The following RASSF2 variants were observed in gnomAD, a reference collection of about 807,000 sequenced individuals.
The protein encoded by RASSF2 is Ras association domain family member 2.
Under a neutral mutation model 46.3 loss-of-function variants are expected in RASSF2, and 34 were observed. That is an observed-to-expected ratio of 0.73 (90% CI 0.56 to 0.98). The LOEUF (loss-of-function observed/expected upper bound fraction) is 0.98. Ranked by LOEUF, RASSF2 falls within the 50% of genes least tolerant of loss-of-function variation. RASSF2 has a pLI of 0.00. For missense variants in RASSF2, 364 were observed against 431.2 expected, an observed-to-expected ratio of 0.84 and a Z score of 1.38; for synonymous variants, 158 against 162.5, an observed-to-expected ratio of 0.97 and a Z score of 0.21.
chr20:4,800,437 CCAA>C (rs1926764652), intron 3 of RASSF2, among the ~76,000 whole-genome samples: 1 of 152,152 alleles, frequency 6.6e-6, no homozygotes, highest in African/African-American at 2.4e-5. Flanking sequence ...GCCAGGAAGT[CCAA>C]CGTCAGGGTA....
intron 1 of RASSF2, among the ~76,000 whole-genome samples, chr20:4,823,286 TGCCCCGC>T (rs1218811763): frequency 1.3e-5 from 2 of 151,722 alleles, no homozygotes. Flanking sequence ...TCGCTCCCAG[TGCCCCGC>T]GCCCCGCGCC....
intron 2 of RASSF2, among the ~76,000 whole-genome samples, chr20:4,819,112 G>A (rs763530610): frequency 3.6e-4 from 54 of 152,052 alleles, no homozygotes; most frequent in Non-Finnish European, 6.3e-4. Context: ...ACAGGCGCCC[G>A]CCACCATGCC....
Position 4,795,627 on chromosome 20 carries a change from G to A in RASSF2, c.287+188C>T, listed in dbSNP as rs993103181. The A allele has an allele frequency of 2.9e-5, 17 of 590,676 alleles. No individual in the cohort carries two copies. Among genetic ancestry groups the A allele is most frequent in the Middle Eastern group, 5.0e-4 (1 of 2,006 alleles). The allele number at this position is 590,676 out of a possible 1,614,324, so 36.6% of individuals were successfully genotyped here. A position where few individuals can be genotyped will look rare whatever the true frequency, so the allele number is the denominator to read the frequency against. On this transcript the variant is annotated intron_variant, in intron 5 of 11. Transcript: ENST00000379400. The surrounding 1 kb of genome is among the most constrained non-coding windows in gnomAD (Gnocchi z 4.0). The stretch of plus-strand genomic sequence containing the variant: ...CATCAGTGATTGCAGTGACAGGAAG[G>A]GGGCTCAATCACAACCACATCTGCT...
intron 2 of RASSF2, among the ~76,000 whole-genome samples, chr20:4,801,580 G>T (rs1390669692): frequency 6.6e-6 from 1 of 151,960 alleles, no homozygotes; most frequent in African/African-American, 2.4e-5. Context: ...AAAAACACAG[G>T]TAACAAAACT....
At chr20:4,786,095 A>G in intron 11 of RASSF2, 136 bp downstream of exon 11, 2 of 718,322 alleles carry the variant, frequency 2.8e-6, no homozygotes, top group Non-Finnish European at 4.8e-6. Context: ...CAGGTTTGTC[A>G]ATGGGCAGCC....
At chr20:4,785,525 G>A (rs1925249596) in intron 11 of RASSF2, among the ~76,000 whole-genome samples, 1 of 152,154 alleles carries the variant, frequency 6.6e-6, no homozygotes. Flanking sequence ...ACTAAACATA[G>A]CAAAGAAATC....
chr20:4,790,363 C>A lies in RASSF2; in HGVS notation c.537+88G>T. The stretch of plus-strand genomic sequence containing the variant: ...GCAAACACTTGGCTTCCCAGGCATC[C>A]ACACCACCCACCATATGGCTGTAGC... On this transcript the variant is annotated intron_variant, in intron 7 of 11. Coordinates refer to ENST00000379400, the MANE Select transcript of RASSF2 (RefSeq NM_014737.3). This position sits in a 1 kb window ranked among gnomAD's most constrained non-coding sequence, Gnocchi z 4.3. 7.5e-7 allele frequency: 1 copy of A among 1,328,612 alleles called. No homozygotes were observed. Among genetic ancestry groups the A allele is most frequent in the East Asian group, 2.8e-5 (1 of 35,338 alleles). The allele number at this position is 1,328,612 out of a possible 1,614,324, so 82.3% of individuals were successfully genotyped here. A position where few individuals can be genotyped will look rare whatever the true frequency, so the allele number is the denominator to read the frequency against.
intron 4 of RASSF2, among the ~76,000 whole-genome samples, chr20:4,797,614 G>A (rs1375450658): frequency 6.6e-6 from 1 of 152,118 alleles, no homozygotes; most frequent in African/African-American, 2.4e-5. Flanking sequence ...GCTTTGCCCA[G>A]GTCACTGCAG....
At chr20:4,787,330 A>G (rs2422985) in intron 10 of RASSF2, among the ~76,000 whole-genome samples, 43,456 of 152,130 alleles carry the variant, frequency 0.29, 6,583 homozygotes, top group African/African-American at 0.37. Context: ...TACTGCCCCA[A>G]AAGCCTGGGC....
intron 9 of RASSF2, 96 bp from the exon 10 acceptor site, chr20:4,787,850 C>T: frequency 6.9e-7 from 1 of 1,454,124 alleles, no homozygotes; most frequent in Non-Finnish European, 9.5e-7. Context: ...GGAGATGCCG[C>T]CATATACGTC....
chr20:4,801,932 G>T (rs1299264012), intron 2 of RASSF2, among the ~76,000 whole-genome samples: 1 of 152,000 alleles, frequency 6.6e-6, no homozygotes, highest in African/African-American at 2.4e-5. Context: ...TAGAGGAAGG[G>T]TTTCACCATG....
At chr20:4,811,816 T>C (rs1438839544) in intron 2 of RASSF2, among the ~76,000 whole-genome samples, 1 of 152,066 alleles carries the variant, frequency 6.6e-6, no homozygotes, top group Non-Finnish European at 1.5e-5. Flanking sequence ...TAGCTTCCTC[T>C]TTTGGGGCCT....
intron 9 of RASSF2, 34 bp from the exon 10 acceptor site, chr20:4,787,788 A>G: frequency 6.2e-7 from 1 of 1,613,162 alleles, no homozygotes; most frequent in Non-Finnish European, 8.5e-7. Flanking sequence ...CAGCCCTGAG[A>G]GGCCTTTCTC....
intron 3 of RASSF2, among the ~76,000 whole-genome samples, chr20:4,800,432 G>C (rs565699388): frequency 6.6e-6 from 1 of 152,282 alleles, no homozygotes; most frequent in African/African-American, 2.4e-5. Context: ...TGGTGGCCAG[G>C]AAGTCCAACG....
Position 4,792,636 on chromosome 20 carries a change from G to A in RASSF2, c.288-9C>T. ...GGGGCTTCAGAGTGGTTCTGGGAGT[G>A]GAGAAGACAAAGGGGAGGGGGGAGA... On this transcript the variant is annotated splice_polypyrimidine_tract_variant and intron_variant, in intron 5 of 11. Transcript: ENST00000379400. The A allele has an allele frequency of 3.7e-6, 6 of 1,613,624 alleles. No individual in the cohort carries two copies. The highest frequency in any genetic ancestry group is 1.7e-5 in the Admixed American group (1 of 59,946).
intron 8 of RASSF2, among the ~76,000 whole-genome samples, chr20:4,788,473 G>A (rs1423173177): frequency 1.3e-5 from 2 of 152,194 alleles, no homozygotes; most frequent in Non-Finnish European, 2.9e-5. Context: ...ACTTAACCAC[G>A]AGGATGCATT....
At chr20:4,813,664 G>T (rs1020791336) in intron 2 of RASSF2, among the ~76,000 whole-genome samples, 1 of 152,246 alleles carries the variant, frequency 6.6e-6, no homozygotes, top group African/African-American at 2.4e-5. Context: ...GAGAGGCAGG[G>T]CGCTGGAGCG....
At position 4,822,309 on chromosome 20, in the gene RASSF2, A is replaced by G. The variant is rs1928746357; in HGVS notation, c.-33+20T>C. 6.6e-6 allele frequency: 1 copy of G among 152,246 alleles called. No homozygotes were observed. The highest frequency in any genetic ancestry group is 2.4e-5 in the African/African-American group (1 of 41,460). 9.4% of individuals were successfully genotyped at this position (152,246 alleles called of 1,614,324 possible). A position where few individuals can be genotyped will look rare whatever the true frequency, so the allele number is the denominator to read the frequency against. Reference sequence around the variant, plus strand: ...AGCTGATTGGTTCATACATTCATTCATCATTTACAAGGTACTTACTATATC... The same window carrying G: ...AGCTGATTGGTTCATACATTCATTCGTCATTTACAAGGTACTTACTATATC... On this transcript the variant is annotated intron_variant, in intron 2 of 11. Transcript: ENST00000379400.
At chr20:4,819,616 C>T (rs1174285311) in intron 2 of RASSF2, among the ~76,000 whole-genome samples, 1 of 152,128 alleles carries the variant, frequency 6.6e-6, no homozygotes, top group Non-Finnish European at 1.5e-5. Context: ...GCATCTATTA[C>T]ATTATTCAGT....
Sources: gnomAD v4.1 joint callset for allele counts (sites outside exome capture counted in the v4.1 genomes callset) on GRCh38, gnomAD v4.1.1 for gene constraint, Gnocchi (gnomAD v3.1) non-coding constraint, MANE v1.5 for transcripts, NCBI Gene and HGNC (gene_info 2026-07-23, HGNC 2026-07-21) for gene names.